The following MEIS2 variants were observed in gnomAD, a reference collection of about 807,000 sequenced individuals.
MEIS2 encodes the protein Meis homeobox 2.
A neutral mutation model predicts 58.6 loss-of-function variants in MEIS2; 9 were observed. That is an observed-to-expected ratio of 0.15 (90% confidence interval 0.09 to 0.27). The LOEUF is 0.27. Among genes scored for constraint, MEIS2 ranks in the 10% least tolerant of loss-of-function variants. The probability of loss-of-function intolerance (pLI) is 1.00; values close to 1 mark genes in which losing one functional copy is unlikely to be tolerated. For missense variants in MEIS2, 427 were observed against 635.0 expected, an observed-to-expected ratio of 0.67 and a Z score of 3.52; for synonymous variants, 221 against 228.4, an observed-to-expected ratio of 0.97 and a Z score of 0.29.
chr15:36,913,322 AT>A (rs1173789896), intron 9 of MEIS2, among the ~76,000 whole-genome samples: 2 of 152,234 alleles, frequency 1.3e-5, no homozygotes, highest in Non-Finnish European at 1.5e-5. Context: ...TTGGACACAC[AT>A]TTTGGACCTG....
At chr15:36,974,842 CA>C (rs1200988193) in intron 8 of MEIS2, among the ~76,000 whole-genome samples, 1 of 152,208 alleles carries the variant, frequency 6.6e-6, no homozygotes, top group Non-Finnish European at 1.5e-5. Context: ...ACACACTCAT[CA>C]GAATTGTTCT....
intron 8 of MEIS2, among the ~76,000 whole-genome samples, chr15:36,987,293 A>C (rs2141535051): frequency 6.6e-6 from 1 of 152,110 alleles, no homozygotes; most frequent in African/African-American, 2.4e-5. Context: ...CTGTAGTCGC[A>C]GCTACTTGGG....
chr15:37,002,411 CACTTTTT>C (rs1345168919), intron 8 of MEIS2, among the ~76,000 whole-genome samples: 1 of 152,146 alleles, frequency 6.6e-6, no homozygotes, highest in Non-Finnish European at 1.5e-5. Context: ...TGACACTTTT[CACTTTTT>C]ACTTTTAATT....
In MEIS2 at chr15:36,903,417, C is replaced by T. The variant is rs2056577343; in HGVS notation, c.978-6731G>A. On this transcript the variant is annotated intron_variant, in intron 9 of 11. Coordinates refer to ENST00000561208, the MANE Select transcript of MEIS2 (RefSeq NM_170675.5). ...AATAGACATAAGTTGTAGTATATTA[C>T]CTCATCCTGTACATGATTTATTGCA... 2.0e-5 allele frequency among the ~76,000 whole-genome samples: 3 copies of T among 152,162 alleles called. No homozygotes were observed. In the South Asian group the frequency reaches 6.2e-4, roughly 32 times the overall value.
chr15:36,934,689 G>A (rs2058100047), intron 9 of MEIS2, among the ~76,000 whole-genome samples: 1 of 152,160 alleles, frequency 6.6e-6, no homozygotes, highest in African/African-American at 2.4e-5. Flanking sequence ...ATGCTGTCAT[G>A]CAGTGAAATT....
At chr15:37,053,813 C>A (rs1596023661) in intron 7 of MEIS2, among the ~76,000 whole-genome samples, 1 of 152,118 alleles carries the variant, frequency 6.6e-6, no homozygotes, top group African/African-American at 2.4e-5. Context: ...AACCACAAGA[C>A]ATGATAGGGA....
intron 8 of MEIS2, among the ~76,000 whole-genome samples, chr15:36,963,206 G>T (rs2059244370): frequency 6.6e-6 from 1 of 151,746 alleles, no homozygotes; most frequent in South Asian, 2.1e-4. Context: ...GAAACCCCAA[G>T]TCTACTAAAA....
intron 8 of MEIS2, among the ~76,000 whole-genome samples, chr15:37,015,484 A>AC (rs1439011878): frequency 3.2e-5 from 4 of 126,668 alleles, no homozygotes; most frequent in Non-Finnish European, 7.2e-5. Flanking sequence ...ACACACACAC[A>AC]AACACACTTC....
chr15:36,935,608 A>G (rs1402858335), intron 9 of MEIS2, among the ~76,000 whole-genome samples: 5 of 152,146 alleles, frequency 3.3e-5, no homozygotes, highest in Non-Finnish European at 5.9e-5. Context: ...TCATCATATG[A>G]TCATACTGCA....
At chr15:36,974,132 A>G (rs1365141750) in intron 8 of MEIS2, among the ~76,000 whole-genome samples, 3 of 152,194 alleles carry the variant, frequency 2.0e-5, no homozygotes, top group Non-Finnish European at 2.9e-5. Context: ...TTGTCTGGTT[A>G]TCCTGTATTG....
At chr15:36,946,781 A>C (rs2058581756) in intron 9 of MEIS2, among the ~76,000 whole-genome samples, 1 of 151,970 alleles carries the variant, frequency 6.6e-6, no homozygotes, top group Non-Finnish European at 1.5e-5. Context: ...CTAAGTCTTA[A>C]AGGGGTTTAG....
intron 9 of MEIS2, among the ~76,000 whole-genome samples, chr15:36,939,054 C>T (rs187181332): frequency 1.3e-4 from 20 of 152,304 alleles, no homozygotes; most frequent in African/African-American, 4.8e-4. Flanking sequence ...GACTCCTTTA[C>T]TCAATTTCCC....
intron 2 of MEIS2, 146 bp downstream of exon 2, chr15:37,097,821 A>G: frequency 8.0e-7 from 1 of 1,242,906 alleles, no homozygotes; most frequent in Non-Finnish European, 1.1e-6. Context: ...GGCCCCCTCC[A>G]CGGTCCCTTC....
chr15:36,970,212 G>A (rs973118443), intron 8 of MEIS2, among the ~76,000 whole-genome samples: 1 of 152,086 alleles, frequency 6.6e-6, no homozygotes, highest in Non-Finnish European at 1.5e-5. Context: ...GACCATCCTG[G>A]CTAACATGGT....
chr15:36,921,713 T>C (rs2057515454), intron 9 of MEIS2, among the ~76,000 whole-genome samples: 1 of 131,890 alleles, frequency 7.6e-6, no homozygotes, highest in Non-Finnish European at 1.7e-5. Context: ...AGTGACCTCT[T>C]GGCATTGTTG....
chr15:37,093,763 C>T, intron 5 of MEIS2, 33 bp from the exon 6 acceptor site: 3 of 1,606,606 alleles, frequency 1.9e-6, no homozygotes, highest in Non-Finnish European at 2.6e-6. Flanking sequence ...GGGTTTAGCT[C>T]ATGTTGTTGT....
At chr15:37,075,198 T>C (rs1891240103) in intron 7 of MEIS2, among the ~76,000 whole-genome samples, 1 of 152,020 alleles carries the variant, frequency 6.6e-6, no homozygotes, top group Non-Finnish European at 1.5e-5. Context: ...AAGACATCCA[T>C]CTATACATTT....
At chr15:37,098,581 A>T (rs1336152132) in intron 1 of MEIS2, 5 of 262,892 alleles carry the variant, frequency 1.9e-5, no homozygotes, top group Non-Finnish European at 3.0e-5. Flanking sequence ...AGCAACGTTT[A>T]GAGAAGGAAG....
chr15:37,084,707 A>G (rs977098169), intron 6 of MEIS2, among the ~76,000 whole-genome samples: 1 of 152,150 alleles, frequency 6.6e-6, no homozygotes, highest in Middle Eastern at 3.2e-3. Flanking sequence ...TACTTGGCTG[A>G]GTATATTCTT....
Sources: allele counts gnomAD v4.1 joint callset (sites outside exome capture counted in the v4.1 genomes callset), GRCh38; gene constraint gnomAD v4.1.1; transcripts MANE v1.5; gene names NCBI Gene and HGNC (gene_info 2026-07-23, HGNC 2026-07-21).